SUPT16H: variants seen among roughly 807,000 people sequenced by gnomAD.
SUPT16H encodes the protein SPT16 homolog, facilitates chromatin remodeling subunit, also known as FACT complex subunit SPT16.
SUPT16H carries 24 observed loss-of-function variants against 136.2 expected under a neutral mutation model. That is an observed-to-expected ratio of 0.18 (90% CI 0.13 to 0.25). The LOEUF is 0.25. SUPT16H is among the 10% of genes least tolerant of loss of function. The pLI is 1.00. For missense variants in SUPT16H, 623 were observed against 1,270.2 expected, an observed-to-expected ratio of 0.49 and a Z score of 7.74; for synonymous variants, 415 against 428.2, an observed-to-expected ratio of 0.97 and a Z score of 0.38.
rs1039449075 is a variant in SUPT16H at position 21,363,556 on chromosome 14, T to C, written c.1234-53A>G. ...ATTATTTAAAAGAGGCAATTTCATT[T>C]TCTAACCTAGTAAACGGCTGGGCAA... On this transcript the variant is annotated intron_variant, in intron 10 of 25. Transcript: ENST00000216297. 45 of 1,520,552 alleles carry C rather than the reference T, an allele frequency of 3.0e-5. 1 individual carries two copies. Among genetic ancestry groups the C allele is most frequent in the Non-Finnish European group, 3.4e-5 (38 of 1,104,274 alleles). The allele number at this position is 1,520,552 out of a possible 1,614,324, so 94.2% of individuals were successfully genotyped here. A position where few individuals can be genotyped will look rare whatever the true frequency, so the allele number is the denominator to read the frequency against.
rs80131349 is a variant in SUPT16H, at chr14:21,374,952, G to A, written c.67-1522C>T. On this transcript the variant is annotated intron_variant, in intron 1 of 25. Coordinates refer to ENST00000216297, the MANE Select transcript of SUPT16H (RefSeq NM_007192.4). ...TGTATCAAGGTTCCAATTTTTCCAC[G>A]TTAACCAACAGTTTTTATGTCGTTT... is the stretch of plus-strand genomic sequence containing the variant. Among the ~76,000 whole-genome samples, 546 of 152,122 alleles carry A rather than the reference G, an allele frequency of 3.6e-3. 1 individual carries two copies. Among genetic ancestry groups the A allele is most frequent in the African/African-American group, 0.013 (524 of 41,516 alleles).
At chr14:21,360,173 G>A (rs997320286) in intron 18 of SUPT16H, among the ~76,000 whole-genome samples, 2 of 152,020 alleles carry the variant, frequency 1.3e-5, no homozygotes, top group African/African-American at 4.8e-5. Flanking sequence ...GATTACAGGC[G>A]CTGGCCACTA....
intron 10 of SUPT16H, 76 bp from the exon 11 acceptor site, chr14:21,363,579 C>G (rs1886603439): frequency 5.4e-6 from 7 of 1,303,148 alleles, no homozygotes; most frequent in Non-Finnish European, 7.6e-6. Context: ...AACGGCTGGG[C>G]AATGCTTTGA....
chr14:21,375,169 C>G (rs547699034), intron 1 of SUPT16H, among the ~76,000 whole-genome samples: 1 of 152,048 alleles, frequency 6.6e-6, no homozygotes, highest in African/African-American at 2.4e-5. Context: ...TGCACCACCA[C>G]GCCCAGCTAA....
chr14:21,378,960 T>C (rs905401052), intron 1 of SUPT16H, among the ~76,000 whole-genome samples: 5 of 152,040 alleles, frequency 3.3e-5, no homozygotes, highest in African/African-American at 9.7e-5. Flanking sequence ...GTTGGAGAAA[T>C]AGTGCAGCAG....
Position 21,352,620 on chromosome 14 carries a change from A to G in SUPT16H, c.*53T>C. 6.2e-7 allele frequency: 1 copy of G among 1,607,942 alleles called. No individual in the cohort carries two copies. Among genetic ancestry groups the G allele is most frequent in the South Asian group, 1.1e-5 (1 of 90,862 alleles). The stretch of plus-strand genomic sequence containing the variant: ...AAATACAGTTTCTATGTCATGTAAA[A>G]TTTTCAGGGGTTGGCTGGAGGAAGA... On this transcript the variant is annotated 3_prime_UTR_variant, in exon 26 of 26. Coordinates refer to ENST00000216297, the MANE Select transcript of SUPT16H (RefSeq NM_007192.4).
Position 21,361,216 on chromosome 14 carries a change from G to A in SUPT16H, c.1794-3C>T. On this transcript the variant is annotated splice_region_variant and splice_polypyrimidine_tract_variant and intron_variant, in intron 15 of 25. Transcript: ENST00000216297. The stretch of plus-strand genomic sequence containing the variant: ...TAATATTTGATGCTCGGTATGTACT[G>A]CAGAAAAGCAACAGCATTTATAGAC... 2.5e-6 allele frequency: 4 copies of A among 1,612,634 alleles called. No individual in the cohort carries two copies. The highest frequency in any genetic ancestry group is 2.2e-5 in the East Asian group (1 of 44,832).
At chr14:21,354,953 T>C (rs1254440256) in intron 22 of SUPT16H, 1 of 160,806 alleles carries the variant, frequency 6.2e-6, no homozygotes, top group Non-Finnish European at 1.4e-5. Flanking sequence ...CTATTTGATC[T>C]CCTAGAGCAC....
In SUPT16H at chr14:21,354,462, A is replaced by G. The variant is rs774976179; in HGVS notation, c.2739T>C (p.Pro913=). The change falls in exon 23 of 26, where the codon CCT becomes CCC. Residue 913 remains proline, a synonymous_variant. Coordinates refer to ENST00000216297, the MANE Select transcript of SUPT16H (RefSeq NM_007192.4). ...TKIMKTIVDD[P]EGFFEQGGWS... Reference sequence around the variant, plus strand: ...AGCCACCTTGTTCGAAGAAGCCCTCAGGGTCATCAACAATGGTCTTCATGA... The same window carrying G: ...AGCCACCTTGTTCGAAGAAGCCCTCGGGGTCATCAACAATGGTCTTCATGA... 1.9e-6 allele frequency: 3 copies of G among 1,614,090 alleles called. No individual in the cohort carries two copies. The highest frequency in any genetic ancestry group is 2.5e-6 in the Non-Finnish European group (3 of 1,180,012).
rs370443237 is a variant in SUPT16H, at chr14:21,361,210, T to C, written c.1797A>G (p.Thr599=). The change falls in exon 16 of 26, where the codon ACA becomes ACG. Residue 599 remains threonine (T), a synonymous_variant. Coordinates refer to ENST00000216297, the MANE Select transcript of SUPT16H (RefSeq NM_007192.4). Reference sequence around the variant, plus strand: ...GTGCCTTAATATTTGATGCTCGGTATGTACTGCAGAAAAGCAACAGCATTT... The same window carrying C: ...GTGCCTTAATATTTGATGCTCGGTACGTACTGCAGAAAAGCAACAGCATTT... ...NPEATFVKEI[T]YRASNIKAPG... is the part of the protein sequence containing the mutation. 3 of 1,613,680 alleles carry C rather than the reference T, an allele frequency of 1.9e-6. No individual in the cohort carries two copies. The highest frequency in any genetic ancestry group is 2.7e-5 in the African/African-American group (2 of 74,850).
chr14:21,372,693 T>C (rs1886813325), intron 2 of SUPT16H: 1 of 454,204 alleles, frequency 2.2e-6, no homozygotes, highest in African/African-American at 2.0e-5. Context: ...AACAGAGAAC[T>C]GGAAAAAGCC....
At chr14:21,364,132 T>G (rs1229081015) in intron 10 of SUPT16H, among the ~76,000 whole-genome samples, 1 of 152,230 alleles carries the variant, frequency 6.6e-6, no homozygotes, top group African/African-American at 2.4e-5. Flanking sequence ...AATAAGAGTA[T>G]CTACTTCACA....
At chr14:21,383,545 G>C in intron 1 of SUPT16H, 1 of 670,342 alleles carries the variant, frequency 1.5e-6, no homozygotes, top group African/African-American at 1.8e-5. Context: ...AGGGCAGCAA[G>C]ACGTGACCAC....
chr14:21,380,101 A>G (rs936370089), intron 1 of SUPT16H, among the ~76,000 whole-genome samples: 1 of 152,170 alleles, frequency 6.6e-6, no homozygotes, highest in Non-Finnish European at 1.5e-5. Context: ...CCCCTAAAAA[A>G]TAAGTATAAC....
Position 21,360,922 on chromosome 14 carries a change from C to T in SUPT16H, c.1980G>A (p.Pro660=), listed in dbSNP as rs1376156663. The change falls in exon 17 of 26, where the codon CCG becomes CCA. Residue 660 remains proline (P), a synonymous_variant. Transcript: ENST00000216297. ...SLVINLNRSN[P]KLKDLYIRPN... Reference sequence around the variant, plus strand: ...GGCGAATGTATAGATCTTTCAGTTTCGGATTACTCCGGTTTAGATTGATCA... The same window carrying T: ...GGCGAATGTATAGATCTTTCAGTTTTGGATTACTCCGGTTTAGATTGATCA... 7 of 1,614,140 alleles carry T rather than the reference C, an allele frequency of 4.3e-6. No homozygotes were observed. Among genetic ancestry groups the T allele is most frequent in the South Asian group, 2.2e-5 (2 of 91,078 alleles).
intron 9 of SUPT16H, 21 bp from the exon 10 acceptor site, chr14:21,364,960 T>C: frequency 6.2e-7 from 1 of 1,612,824 alleles, no homozygotes; most frequent in Non-Finnish European, 8.5e-7. Flanking sequence ...AAAACAAGGA[T>C]CAGTCTGTGG....
At chr14:21,382,378 C>T (rs1477430876) in intron 1 of SUPT16H, among the ~76,000 whole-genome samples, 1 of 152,140 alleles carries the variant, frequency 6.6e-6, no homozygotes, top group African/African-American at 2.4e-5. Flanking sequence ...AAATAACTTT[C>T]ATGGATTTAA....
At chr14:21,375,932 G>C (rs940443277) in intron 1 of SUPT16H, among the ~76,000 whole-genome samples, 2 of 152,144 alleles carry the variant, frequency 1.3e-5, no homozygotes, top group African/African-American at 4.8e-5. Flanking sequence ...ATCTAAGAAG[G>C]TTCTGCCTAA....
intron 14 of SUPT16H, 109 bp downstream of exon 14, chr14:21,362,685 T>G: frequency 7.8e-7 from 1 of 1,281,778 alleles, no homozygotes; most frequent in Non-Finnish European, 1.1e-6. Context: ...GAACAGAGTC[T>G]GAAGGAGTCA....
Sources: allele counts gnomAD v4.1 joint callset (sites outside exome capture counted in the v4.1 genomes callset), GRCh38; gene constraint gnomAD v4.1.1; transcripts MANE v1.5; gene names NCBI Gene and HGNC (gene_info 2026-07-23, HGNC 2026-07-21).